The following KCNMA1 variants were observed in gnomAD, a reference collection of about 807,000 sequenced individuals.
KCNMA1 encodes Calcium-activated potassium channel subunit alpha-1.
A neutral mutation model predicts 140.0 loss-of-function variants in KCNMA1; 29 were observed. The observed-to-expected ratio is 0.21, with a 90% confidence interval of 0.15 to 0.28. The LOEUF is 0.28. Ranked by LOEUF, KCNMA1 falls within the 10% of genes least tolerant of loss-of-function variation. The pLI is 1.00. For missense variants in KCNMA1, 880 were observed against 1,602.2 expected (o/e 0.55, Z 7.70); for synonymous variants, 612 against 611.9 (o/e 1.00, Z 0.00).
chr10:77,140,129 G>A (rs548901747), intron 5 of KCNMA1, among the ~76,000 whole-genome samples: 3 of 152,284 alleles, frequency 2.0e-5, no homozygotes, highest in South Asian at 4.1e-4. Flanking sequence ...GCACATCTGC[G>A]TTGGGTGGGT....
intron 2 of KCNMA1, chr10:77,373,982 G>T: frequency 6.6e-6 from 1 of 152,426 alleles, no homozygotes; most frequent in Non-Finnish European, 1.5e-5. Flanking sequence ...GGTTATGGCT[G>T]TGGGAAGGGT....
intron 1 of KCNMA1, among the ~76,000 whole-genome samples, chr10:77,429,936 C>A (rs2097115788): frequency 6.6e-6 from 1 of 152,250 alleles, no homozygotes; most frequent in South Asian, 2.1e-4. Flanking sequence ...AAGCTGAAGT[C>A]CTGATTCCCA....
intron 1 of KCNMA1, among the ~76,000 whole-genome samples, chr10:77,457,156 T>G (rs1297533017): frequency 1.3e-5 from 2 of 152,116 alleles, no homozygotes; most frequent in Non-Finnish European, 2.9e-5. Flanking sequence ...TAAAGGCTCT[T>G]GGGCCGCCCT....
chr10:77,491,728 C>G (rs1183283031), intron 1 of KCNMA1, among the ~76,000 whole-genome samples: 2 of 121,796 alleles, frequency 1.6e-5, no homozygotes, highest in African/African-American at 7.2e-5. Flanking sequence ...CACACACACA[C>G]ACACACACAC....
At chr10:77,351,690 T>A (rs996716343) in intron 2 of KCNMA1, among the ~76,000 whole-genome samples, 2 of 152,046 alleles carry the variant, frequency 1.3e-5, no homozygotes, top group Non-Finnish European at 2.9e-5. Flanking sequence ...TTTATATGAG[T>A]CATTCTCAAA....
chr10:77,400,266 C>G (rs2096219522), intron 2 of KCNMA1, among the ~76,000 whole-genome samples: 1 of 152,234 alleles, frequency 6.6e-6, no homozygotes, highest in Non-Finnish European at 1.5e-5. Flanking sequence ...GCCTGGAGCT[C>G]TGAGATGCCT....
At chr10:76,982,440 G>T (rs75587343) in intron 19 of KCNMA1, among the ~76,000 whole-genome samples, 1,528 of 152,242 alleles carry the variant, frequency 0.01, 23 homozygotes, top group African/African-American at 0.035. Flanking sequence ...CACTCAGGGG[G>T]CACTTGACCC....
intron 5 of KCNMA1, among the ~76,000 whole-genome samples, chr10:77,156,654 T>G (rs987304423): frequency 2.0e-5 from 3 of 152,250 alleles, no homozygotes; most frequent in African/African-American, 7.2e-5. Context: ...AGTTAAATGA[T>G]AACCAGCCAT....
At position 77,119,626 on chromosome 10, in the gene KCNMA1, G is replaced by A. The variant is rs1382284615; in HGVS notation, c.884+1347C>T. ...CTAGCACATAGAAGAATAATTAAAA[G>A]GCAGAAATCAAGGTTATTGGCAATC... On this transcript the variant is annotated intron_variant, in intron 6 of 27. Transcript: ENST00000286628. 3.3e-5 allele frequency among the ~76,000 whole-genome samples: 5 copies of A among 152,172 alleles called. No homozygotes were observed. In the East Asian group the frequency reaches 9.7e-4, roughly 29 times the overall value.
At chr10:77,633,510 A>G (rs1322643253) in intron 1 of KCNMA1, among the ~76,000 whole-genome samples, 1 of 152,154 alleles carries the variant, frequency 6.6e-6, no homozygotes, top group Non-Finnish European at 1.5e-5. Flanking sequence ...ACAGGATGAG[A>G]TGAGGCACAA....
intron 1 of KCNMA1, among the ~76,000 whole-genome samples, chr10:77,630,033 A>G (rs2092998165): frequency 6.6e-6 from 1 of 152,232 alleles, no homozygotes; most frequent in South Asian, 2.1e-4. Context: ...GGAATTCTTA[A>G]GAAGTGCATT....
At chr10:77,139,169 G>A (rs1374804966) in intron 5 of KCNMA1, among the ~76,000 whole-genome samples, 2 of 152,192 alleles carry the variant, frequency 1.3e-5, no homozygotes, top group East Asian at 3.9e-4. Context: ...AAGGGTATTG[G>A]ATACTAAGTT....
At chr10:77,302,905 G>C (rs1166773541) in intron 2 of KCNMA1, among the ~76,000 whole-genome samples, 1 of 152,088 alleles carries the variant, frequency 6.6e-6, no homozygotes, top group East Asian at 1.9e-4. Context: ...CTTGTAGCTT[G>C]GCTTTCAGAC....
intron 1 of KCNMA1, among the ~76,000 whole-genome samples, chr10:77,456,684 C>T (rs1007731365): frequency 6.6e-6 from 1 of 152,184 alleles, no homozygotes; most frequent in African/African-American, 2.4e-5. Context: ...CGCATCTAGA[C>T]CAGGATCCAC....
intron 3 of KCNMA1, among the ~76,000 whole-genome samples, chr10:77,193,224 A>G (rs1275515439): frequency 1.3e-5 from 2 of 152,178 alleles, no homozygotes; most frequent in Non-Finnish European, 2.9e-5. Flanking sequence ...AAGACAACCT[A>G]CCCACTAATG....
intron 25 of KCNMA1, among the ~76,000 whole-genome samples, chr10:76,897,616 C>T (rs2043150122): frequency 6.6e-6 from 1 of 151,832 alleles, no homozygotes; most frequent in African/African-American, 2.4e-5. Flanking sequence ...AAATTAGCTT[C>T]TTTAAAGATA....
At chr10:77,317,621 C>T (rs1210281715) in intron 2 of KCNMA1, among the ~76,000 whole-genome samples, 1 of 152,204 alleles carries the variant, frequency 6.6e-6, no homozygotes, top group Non-Finnish European at 1.5e-5. Context: ...ATGCGAAGCC[C>T]ATTTTCATCT....
chr10:77,175,323 C>G (rs1039181356), intron 5 of KCNMA1, among the ~76,000 whole-genome samples: 2 of 152,202 alleles, frequency 1.3e-5, no homozygotes. Context: ...TGAATATTTA[C>G]TCATCGAGTT....
At chr10:76,930,790 T>C (rs1268802672) in intron 23 of KCNMA1, among the ~76,000 whole-genome samples, 1 of 152,090 alleles carries the variant, frequency 6.6e-6, no homozygotes, top group Admixed American at 6.6e-5. Flanking sequence ...CACATATATA[T>C]AATGGAATAT....
Sources: allele counts gnomAD v4.1 joint callset (sites outside exome capture counted in the v4.1 genomes callset), GRCh38; gene constraint gnomAD v4.1.1; transcripts MANE v1.5; gene names NCBI Gene and HGNC (gene_info 2026-07-23, HGNC 2026-07-21).